RTF1: variants seen among roughly 807,000 people sequenced by gnomAD.
The protein encoded by RTF1 is RNA polymerase-associated protein RTF1 homolog.
In RTF1, 10 loss-of-function variants were observed where a neutral mutation model predicts 95.7. That is an observed-to-expected ratio of 0.10 (90% CI 0.06 to 0.18). The LOEUF is 0.18. RTF1 is among the 10% of genes least tolerant of loss of function. The probability of loss-of-function intolerance (pLI) is 1.00; values close to 1 mark genes in which losing one functional copy is unlikely to be tolerated. For synonymous variants in RTF1, 305 were observed against 311.8 expected (o/e 0.98, Z 0.23); for missense variants, 458 against 875.6 (o/e 0.52, Z 6.02).
chr15:41,423,409 G>A (rs1284629372), intron 1 of RTF1, among the ~76,000 whole-genome samples: 1 of 144,262 alleles, frequency 6.9e-6, no homozygotes, highest in Non-Finnish European at 1.5e-5. Context: ...GTCTTGCTCT[G>A]TCACCCAGGC....
chr15:41,467,952 G>A (rs2050888774), intron 6 of RTF1, among the ~76,000 whole-genome samples: 1 of 152,018 alleles, frequency 6.6e-6, no homozygotes, highest in Non-Finnish European at 1.5e-5. Flanking sequence ...ATCACGTGAG[G>A]TCTGGAGTTG....
intron 3 of RTF1, 83 bp downstream of exon 3, chr15:41,453,131 G>T: frequency 8.3e-7 from 1 of 1,205,590 alleles, no homozygotes; most frequent in Non-Finnish European, 1.1e-6. Flanking sequence ...GGGAGGAAGG[G>T]GGGTACTTGC....
At chr15:41,420,242 G>A (rs2050593700) in intron 1 of RTF1, among the ~76,000 whole-genome samples, 1 of 152,000 alleles carries the variant, frequency 6.6e-6, no homozygotes, top group East Asian at 1.9e-4. Flanking sequence ...CTTCTTATTT[G>A]CATTCTTGTT....
intron 1 of RTF1, among the ~76,000 whole-genome samples, chr15:41,434,390 G>A (rs928810248): frequency 6.6e-6 from 1 of 152,150 alleles, no homozygotes; most frequent in African/African-American, 2.4e-5. Context: ...ATGCTGTAAT[G>A]TGAATGAATC....
chr15:41,480,546 G>T, intron 17 of RTF1, 35 bp from the exon 18 acceptor site: 2 of 1,497,136 alleles, frequency 1.3e-6, no homozygotes, highest in Non-Finnish European at 1.9e-6. Flanking sequence ...GACTTTGTGG[G>T]ACCTCAGCTG....
At chr15:41,426,912 G>A (rs2050636531) in intron 1 of RTF1, among the ~76,000 whole-genome samples, 1 of 149,296 alleles carries the variant, frequency 6.7e-6, no homozygotes, top group Non-Finnish European at 1.5e-5. Flanking sequence ...TGTGATCTCG[G>A]CTCACTGCAA....
chr15:41,436,473 A>T (rs953212203), intron 1 of RTF1, among the ~76,000 whole-genome samples: 4 of 150,042 alleles, frequency 2.7e-5, no homozygotes, highest in Non-Finnish European at 4.4e-5. Flanking sequence ...AAAAAAAAAA[A>T]AATTGCCAGG....
At chr15:41,476,762 C>G (rs2050943592) in intron 12 of RTF1, among the ~76,000 whole-genome samples, 1 of 152,232 alleles carries the variant, frequency 6.6e-6, no homozygotes, top group Non-Finnish European at 1.5e-5. Flanking sequence ...ACTTCAGTTT[C>G]CTTTGTAATA....
chr15:41,464,093 G>A (rs1221580391), intron 4 of RTF1, among the ~76,000 whole-genome samples: 12 of 148,812 alleles, frequency 8.1e-5, no homozygotes, highest in East Asian at 6.2e-4. Flanking sequence ...CTCGTGATCC[G>A]TCCACCTTGG....
chr15:41,432,651 A>AT (rs1393208240), intron 1 of RTF1, among the ~76,000 whole-genome samples: 2 of 151,932 alleles, frequency 1.3e-5, no homozygotes, highest in African/African-American at 4.8e-5. Context: ...TAAAACAGGC[A>AT]TACTAGGCTG....
intron 9 of RTF1, 126 bp downstream of exon 9, chr15:41,474,828 A>G (rs2050934545): frequency 5.4e-6 from 4 of 741,588 alleles, no homozygotes; most frequent in Non-Finnish European, 4.9e-6. Context: ...CCCACAAGGT[A>G]CACTTGGAGG....
At position 41,470,401 on chromosome 15, in the gene RTF1, T is replaced by G. The variant is rs763170024; in HGVS notation, c.1025+9T>G. ...TCTGATGAAGAAGAGGAGTAAGCTC[T>G]TGTACATTTTGGTCTAGTAGGCAGG... On this transcript the variant is annotated intron_variant, in intron 7 of 17. Coordinates refer to ENST00000389629, the MANE Select transcript of RTF1 (RefSeq NM_015138.5). The G allele has an allele frequency of 1.2e-5, 20 of 1,613,486 alleles. No homozygotes were observed. The African/African-American group carries it at 2.7e-4, about 22-fold the overall frequency.
At chr15:41,470,068 C>T (rs2050902222) in intron 6 of RTF1, among the ~76,000 whole-genome samples, 189 bp from the exon 7 acceptor site, 1 of 152,130 alleles carries the variant, frequency 6.6e-6, no homozygotes, top group African/African-American at 2.4e-5. Flanking sequence ...TGGGGCCTGA[C>T]ATTTGGCACC....
chr15:41,481,243 G>GT lies in RTF1; in HGVS notation c.*557dup, dbSNP rs1404551290. 11 of 73,758 alleles carry GT rather than the reference G, an allele frequency of 1.5e-4. No individual in the cohort carries two copies. Among genetic ancestry groups the GT allele is most frequent in the Admixed American group, 6.7e-4 (5 of 7,416 alleles). 4.6% of individuals were successfully genotyped at this position (73,758 alleles called of 1,614,324 possible). ...TTTAGTTTCCAAAAAGTGTACATTT[G>GT]TGGGGGGGGGGGGTCTAATTTGAGA... On this transcript the variant is annotated 3_prime_UTR_variant, in exon 18 of 18. Transcript: ENST00000389629.
intron 1 of RTF1, among the ~76,000 whole-genome samples, chr15:41,429,152 T>A (rs191282909): frequency 1.2e-4 from 18 of 152,184 alleles, no homozygotes; most frequent in Admixed American, 9.8e-4. Context: ...CCCAAAGTAC[T>A]GGGATTACAG....
chr15:41,471,725 G>A (rs1200965966), intron 8 of RTF1, among the ~76,000 whole-genome samples: 3 of 151,930 alleles, frequency 2.0e-5, no homozygotes, highest in Non-Finnish European at 4.4e-5. Context: ...TCTACACCAG[G>A]GAATTGTATT....
At chr15:41,433,709 C>T (rs926631769) in intron 1 of RTF1, among the ~76,000 whole-genome samples, 13 of 152,052 alleles carry the variant, frequency 8.5e-5, no homozygotes, top group African/African-American at 2.7e-4. Flanking sequence ...CTATATAACC[C>T]AGCAATCCCA....
intron 4 of RTF1, among the ~76,000 whole-genome samples, chr15:41,460,803 C>T (rs1249751599): frequency 6.6e-6 from 1 of 151,974 alleles, no homozygotes; most frequent in Non-Finnish European, 1.5e-5. Flanking sequence ...AAGCCAGCCT[C>T]CCACCTCAGC....
At chr15:41,447,657 C>T (rs2050770340) in intron 2 of RTF1, among the ~76,000 whole-genome samples, 1 of 152,140 alleles carries the variant, frequency 6.6e-6, no homozygotes, top group African/African-American at 2.4e-5. Flanking sequence ...CCTAGGAAAG[C>T]AGGATGTCAG....
Sources: allele counts gnomAD v4.1 joint callset (sites outside exome capture counted in the v4.1 genomes callset), GRCh38; gene constraint gnomAD v4.1.1; transcripts MANE v1.5; gene names NCBI Gene and HGNC (gene_info 2026-07-23, HGNC 2026-07-21).